The following LSR variants were observed in gnomAD, a reference collection of about 807,000 sequenced individuals.
The protein encoded by LSR is lipolysis stimulated lipoprotein receptor.
Under a neutral mutation model 61.8 loss-of-function variants are expected in LSR, and 44 were observed. The ratio of observed to expected loss-of-function variants is 0.71; its 90% CI spans 0.56 to 0.91. The LOEUF is 0.91. Ranked by LOEUF, LSR falls within the 40% of genes least tolerant of loss-of-function variation. The probability of loss-of-function intolerance (pLI) is 0.00; values close to 1 mark genes in which losing one functional copy is unlikely to be tolerated. For synonymous variants in LSR, 397 were observed against 350.6 expected (o/e 1.13, Z -1.48); for missense variants, 911 against 830.5 (o/e 1.10, Z -1.19).
At position 35,267,127 on chromosome 19, in the gene LSR, C is replaced by T. The variant is rs768324761; in HGVS notation, c.1163C>T (p.Ser388Phe). Residue 388 changes from serine to phenylalanine, a missense_variant, in exon 9 of 10, where the codon TCC becomes TTC. Transcript: ENST00000605618. ...CCTGCAGCCATGAGTGAAGTCACCT[C>T]CCTCCACGAGGACGACTGGCGATCT... is the stretch of plus-strand genomic sequence containing the variant. ...RVERAMSEVT[S>F]LHEDDWRSRP... is the part of the protein sequence containing the mutation. The T allele has an allele frequency of 2.8e-5, 43 of 1,529,328 alleles. No homozygotes were observed. The highest frequency in any genetic ancestry group is 3.7e-5 in the Non-Finnish European group (42 of 1,142,796). 94.7% of individuals were successfully genotyped at this position (1,529,328 alleles called of 1,614,324 possible).
chr19:35,263,100 T>C (rs145018832), intron 5 of LSR: 2,498 of 162,244 alleles, frequency 0.015, 71 homozygotes, highest in African/African-American at 0.057. Context: ...GCCAACATGG[T>C]AAAACCCAGT....
intron 1 of LSR, 95 bp downstream of exon 1, chr19:35,249,226 G>A (rs990323298): frequency 2.8e-6 from 4 of 1,433,312 alleles, no homozygotes; most frequent in Non-Finnish European, 2.8e-6. Context: ...GGGAAGCGGG[G>A]GTCTCAGAGG....
chr19:35,267,521 C>T lies in LSR; in HGVS notation c.1557C>T (p.His519=). ...RERPPADPRS[H]HHRTRDPRDN... is the part of the protein sequence containing the mutation. The stretch of plus-strand genomic sequence containing the variant: ...GCCCTCCTGCCGACCCCAGGTCCCA[C>T]CACCACCGTACCCGGGACCCTCGGG... Residue 519 remains histidine (H), a synonymous_variant, in exon 9 of 10, where the codon CAC becomes CAT. Transcript: ENST00000605618. 6.2e-7 allele frequency: 1 copy of T among 1,612,058 alleles called. No individual in the cohort carries two copies. The highest frequency in any genetic ancestry group is 8.5e-7 in the Non-Finnish European group (1 of 1,179,798).
chr19:35,266,251 G>C, intron 5 of LSR, 108 bp from the exon 6 acceptor site: 1 of 834,272 alleles, frequency 1.2e-6, no homozygotes, highest in Non-Finnish European at 1.9e-6. Flanking sequence ...CAGCGGAGAG[G>C]ACGGCTTGGG....
chr19:35,267,215 C>G lies in LSR; in HGVS notation c.1251C>G (p.Pro417=), dbSNP rs778482759. The part of the protein sequence containing the change: ...IRDEEWGGHS[P]RSPRGWDQEP... ...ATGAGGAGTGGGGTGGCCACTCCCCCCGGAGTCCCAGGGGATGGGACCAGG... is the reference window on the plus strand; with the variant it reads ...ATGAGGAGTGGGGTGGCCACTCCCCGCGGAGTCCCAGGGGATGGGACCAGG... Residue 417 remains proline, a synonymous_variant, in exon 9 of 10, where the codon CCC becomes CCG. Transcript: ENST00000605618. The G allele has an allele frequency of 5.3e-6, 8 of 1,522,346 alleles. No homozygotes were observed. Among genetic ancestry groups the G allele is most frequent in the East Asian group, 2.3e-5 (1 of 44,016 alleles). 94.3% of individuals were successfully genotyped at this position (1,522,346 alleles called of 1,614,324 possible).
rs73599063 is a variant in LSR, at chr19:35,267,010, G to T, written c.1144+43G>T. On this transcript the variant is annotated intron_variant, in intron 8 of 9. Transcript: ENST00000605618. ...GGTCTGAGGGCTTTTAAGGTGGGGGGGTGAAACATGTCTCCCTGATACCTG... is the reference window on the plus strand; with the variant it reads ...GGTCTGAGGGCTTTTAAGGTGGGGGTGTGAAACATGTCTCCCTGATACCTG... 6.2e-3 allele frequency: 9,782 copies of T among 1,582,254 alleles called. 466 individuals are homozygous for T. The African/African-American group carries it at 0.11, about 17-fold the overall frequency.
rs1046117093 is a variant in LSR, at chr19:35,258,420, C to T, written c.455-525C>T. On this transcript the variant is annotated intron_variant, in intron 2 of 9. Transcript: ENST00000605618. ...GAGATTAGTTCGCACCATTGCATGC[C>T]AGCCTGGGCAACAAGAGTGAAACTC... is the stretch of plus-strand genomic sequence containing the variant. 2.0e-5 allele frequency among the ~76,000 whole-genome samples: 3 copies of T among 151,150 alleles called. No homozygotes were observed. The South Asian group carries it at 6.3e-4, about 32-fold the overall frequency.
In LSR at chr19:35,267,547, A is replaced by G. The variant is rs1340304860; in HGVS notation, c.1583A>G (p.Asp528Gly). 6.2e-7 allele frequency: 1 copy of G among 1,612,294 alleles called. No individual in the cohort carries two copies. Among genetic ancestry groups the G allele is most frequent in the South Asian group, 1.1e-5 (1 of 91,008 alleles). Reference sequence around the variant, plus strand: ...CACCACCGTACCCGGGACCCTCGGGACAACGGCTCCAGGTCCGGGGACCTC... The same window carrying G: ...CACCACCGTACCCGGGACCCTCGGGGCAACGGCTCCAGGTCCGGGGACCTC... ...SHHHRTRDPR[D>G]NGSRSGDLPY... The change falls in exon 9 of 10, where the codon GAC (aspartate) becomes GGC (glycine). Residue 528 changes from aspartate to glycine, a missense_variant. Physicochemically the swap from Asp to Gly is moderately conservative, Grantham distance 94. Transcript: ENST00000605618.
chr19:35,264,903 T>C (rs567372212), intron 5 of LSR: 20 of 152,180 alleles, frequency 1.3e-4, no homozygotes, highest in African/African-American at 4.8e-4. Context: ...CAGTAGTGAC[T>C]GAGGGACAGG....
In LSR at chr19:35,250,359, G is replaced by C. The variant is rs533002839; in HGVS notation, c.154G>C (p.Val52Leu). Residue 52 changes from valine to leucine, a missense_variant, in exon 2 of 10, where the codon GTG (valine) becomes CTG (leucine). By Grantham distance (32) the Val-to-Leu change is conservative. Coordinates refer to ENST00000605618, the MANE Select transcript of LSR (RefSeq NM_205834.4). ...GGTGACCGTGTCCAACCCCTACCAC[G>C]TGGTGATCCTCTTCCAGCCTGTGAC... The part of the protein sequence containing the change: ...IQVTVSNPYH[V>L]VILFQPVTLP... 3.2e-6 allele frequency: 5 copies of C among 1,584,066 alleles called. No homozygotes were observed. In the Admixed American group the frequency reaches 6.8e-5, roughly 22 times the overall value.
intron 2 of LSR, chr19:35,251,737 C>A (rs534995528): frequency 1.3e-5 from 2 of 152,272 alleles, no homozygotes; most frequent in African/African-American, 4.8e-5. Context: ...TCTCCTCTAC[C>A]CTCCTGACAG....
intron 1 of LSR, 120 bp from the exon 2 acceptor site, chr19:35,250,195 T>C: frequency 1.7e-6 from 1 of 599,806 alleles, no homozygotes; most frequent in Non-Finnish European, 2.8e-6. Flanking sequence ...AGGAACAATG[T>C]GTGCCAGGCA....
In LSR at chr19:35,261,916, T is replaced by G. The variant is rs757193730; in HGVS notation, c.575-9T>G. The G allele has an allele frequency of 5.9e-5, 86 of 1,451,608 alleles. 1 individual carries two copies. The highest frequency in any genetic ancestry group is 7.7e-5 in the Non-Finnish European group (85 of 1,102,908). 89.9% of individuals were successfully genotyped at this position (1,451,608 alleles called of 1,614,324 possible). A position where few individuals can be genotyped will look rare whatever the true frequency, so the allele number is the denominator to read the frequency against. ...GCCAGCATAATCTGTTTCTCTTTTGTCCCTCCAGGGAGGACCTCAGGGGTG... is the reference window on the plus strand; with the variant it reads ...GCCAGCATAATCTGTTTCTCTTTTGGCCCTCCAGGGAGGACCTCAGGGGTG... On this transcript the variant is annotated splice_polypyrimidine_tract_variant and intron_variant, in intron 3 of 9. Coordinates refer to ENST00000605618, the MANE Select transcript of LSR (RefSeq NM_205834.4).
At chr19:35,260,669 A>T (rs2065915409) in intron 3 of LSR, among the ~76,000 whole-genome samples, 1 of 152,094 alleles carries the variant, frequency 6.6e-6, no homozygotes, top group Admixed American at 6.6e-5. Flanking sequence ...TCTACAAAAA[A>T]TTTTAAAATT....
rs531964039 is a variant in LSR, at chr19:35,267,962, C to G, written c.*103C>G. On this transcript the variant is annotated 3_prime_UTR_variant, in exon 10 of 10. Coordinates refer to ENST00000605618, the MANE Select transcript of LSR (RefSeq NM_205834.4). ...CCGAGTCTAATAAAACGTATAATCACAAGCTCTGGAGAGAACCATTTGTTC... is the reference window on the plus strand; with the variant it reads ...CCGAGTCTAATAAAACGTATAATCAGAAGCTCTGGAGAGAACCATTTGTTC... The G allele has an allele frequency of 2.8e-6, 4 of 1,411,930 alleles. No homozygotes were observed. Among genetic ancestry groups the G allele is most frequent in the Non-Finnish European group, 3.0e-6 (3 of 1,005,656 alleles). 87.5% of individuals were successfully genotyped at this position (1,411,930 alleles called of 1,614,324 possible). A position where few individuals can be genotyped will look rare whatever the true frequency, so the allele number is the denominator to read the frequency against.
chr19:35,256,419 GT>G (rs2065857523), intron 2 of LSR, among the ~76,000 whole-genome samples: 1 of 152,186 alleles, frequency 6.6e-6, no homozygotes, highest in Non-Finnish European at 1.5e-5. Flanking sequence ...AGGTGGCATG[GT>G]TTTATTTTTT....
chr19:35,266,820 A>C lies in LSR; in HGVS notation c.1013-16A>C, dbSNP rs1599608707. On this transcript the variant is annotated splice_polypyrimidine_tract_variant and intron_variant, in intron 7 of 9. Transcript: ENST00000605618. ...GATCCATCCTCCCAAACCGACCACC[A>C]CCCCCCTGTCCCTAGAAGTCCGCAG... 3.1e-6 allele frequency: 5 copies of C among 1,605,166 alleles called. No homozygotes were observed. The highest frequency in any genetic ancestry group is 3.4e-6 in the Non-Finnish European group (4 of 1,175,596).
Position 35,266,878 on chromosome 19 carries a change from A to T in LSR, c.1055A>T (p.Asp352Val). 6.2e-7 allele frequency: 1 copy of T among 1,611,772 alleles called. No individual in the cohort carries two copies. Residue 352 changes from aspartate to valine, a missense_variant, in exon 8 of 10, where the codon GAC becomes GTC. Asp to Val is a radical substitution (Grantham distance 152, BLOSUM62 -3). Transcript: ENST00000605618. Reference sequence around the variant, plus strand: ...AGGATTCAGGCCAGCCAGCAGGACGACTCCATGCGGGTCCTGTACTACATG... The same window carrying T: ...AGGATTCAGGCCAGCCAGCAGGACGTCTCCATGCGGGTCCTGTACTACATG... ...GYRIQASQQD[D>V]SMRVLYYMEK... is the part of the protein sequence containing the mutation.
chr19:35,261,383 A>T (rs1376233026), intron 3 of LSR, among the ~76,000 whole-genome samples: 1 of 152,194 alleles, frequency 6.6e-6, no homozygotes, highest in African/African-American at 2.4e-5. Context: ...GTAAAGTAAA[A>T]TTAAACCATT....
Sources: allele counts gnomAD v4.1 joint callset (sites outside exome capture counted in the v4.1 genomes callset), GRCh38; gene constraint gnomAD v4.1.1; transcripts MANE v1.5; gene names NCBI Gene and HGNC (gene_info 2026-07-23, HGNC 2026-07-21).